Variants in GALNT13 observed in about 807,000 individuals in gnomAD.
GALNT13 encodes polypeptide N-acetylgalactosaminyltransferase 13.
GALNT13 carries 28 observed loss-of-function variants against 64.2 expected under a neutral mutation model. The ratio of observed to expected loss-of-function variants is 0.44; its 90% confidence interval spans 0.32 to 0.60. GALNT13 has a LOEUF of 0.60. Ranked by LOEUF, GALNT13 falls within the 20% of genes least tolerant of loss-of-function variation. The pLI, the probability that GALNT13 is intolerant of heterozygous loss-of-function variation, is 0.05. For synonymous variants in GALNT13, 214 were observed against 224.6 expected (o/e 0.95, Z 0.42); for missense variants, 577 against 669.8 (o/e 0.86, Z 1.53).
chr2:153,764,635 T>A, the GALNT13 span, among the ~76,000 whole-genome samples: 1 of 152,232 alleles, frequency 6.6e-6, no homozygotes, highest in Non-Finnish European at 1.5e-5. Context: ...AAATTCAAGC[T>A]GGCTGCAGAA....
intron 3 of GALNT13, among the ~76,000 whole-genome samples, chr2:153,988,997 G>A (rs1045458622): frequency 6.6e-6 from 1 of 151,864 alleles, no homozygotes; most frequent in African/African-American, 2.4e-5. Context: ...GTTAATCTCA[G>A]CCATGCCACA....
At chr2:153,792,215 A>G in the GALNT13 span, among the ~76,000 whole-genome samples, 1 of 152,198 alleles carries the variant, frequency 6.6e-6, no homozygotes, top group Non-Finnish European at 1.5e-5. Context: ...TTCTACATCC[A>G]TGTATTCAAC....
the GALNT13 span, among the ~76,000 whole-genome samples, chr2:153,508,724 G>C: frequency 6.6e-6 from 1 of 152,114 alleles, no homozygotes; most frequent in Admixed American, 6.6e-5. Context: ...TCCTTCAAAG[G>C]GTTTATGGAT....
the GALNT13 span, among the ~76,000 whole-genome samples, chr2:153,395,151 T>C: frequency 4.6e-5 from 7 of 152,142 alleles, no homozygotes; most frequent in Non-Finnish European, 8.8e-5. Flanking sequence ...TCATATACAA[T>C]TGAAGGTAAT....
At chr2:153,938,630 C>T (rs947129473) in intron 2 of GALNT13, among the ~76,000 whole-genome samples, 2 of 152,154 alleles carry the variant, frequency 1.3e-5, no homozygotes, top group African/African-American at 4.8e-5. Context: ...TATATTTTCT[C>T]TCACATTTCT....
the GALNT13 span, among the ~76,000 whole-genome samples, chr2:153,799,167 T>C: frequency 0.082 from 12,487 of 152,190 alleles, 1,100 homozygotes; most frequent in African/African-American, 0.22. Flanking sequence ...ACCATGTCTT[T>C]TGGATATTTT....
intron 3 of GALNT13, among the ~76,000 whole-genome samples, chr2:153,969,024 G>A (rs1693565623): frequency 6.6e-6 from 1 of 151,726 alleles, no homozygotes; most frequent in Non-Finnish European, 1.5e-5. Context: ...TAATAATGAG[G>A]ATGAATTTTA....
intron 1 of GALNT13, among the ~76,000 whole-genome samples, chr2:153,873,354 G>C (rs1452804321): frequency 1.1e-4 from 16 of 152,226 alleles, no homozygotes; most frequent in Non-Finnish European, 2.2e-4. Context: ...TGAGCGCACT[G>C]AGGCTGCTAC....
the GALNT13 span, among the ~76,000 whole-genome samples, chr2:153,769,057 A>G: frequency 6.6e-6 from 1 of 151,742 alleles, no homozygotes; most frequent in African/African-American, 2.4e-5. Context: ...CCAACTTGCT[A>G]CTCTGTATTT....
At chr2:154,442,771 AGT>A (rs1701364916) in intron 12 of GALNT13, among the ~76,000 whole-genome samples, 1 of 152,078 alleles carries the variant, frequency 6.6e-6, no homozygotes, top group African/African-American at 2.4e-5. Flanking sequence ...AGCTACATAC[AGT>A]GTGAGAATCT....
chr2:153,546,639 A>C, the GALNT13 span, among the ~76,000 whole-genome samples: 1 of 152,236 alleles, frequency 6.6e-6, no homozygotes, highest in Admixed American at 6.5e-5. Flanking sequence ...TATCAAGTAC[A>C]ATATTAATGC....
At chr2:153,911,691 T>A (rs1688952380) in intron 2 of GALNT13, among the ~76,000 whole-genome samples, 1 of 152,164 alleles carries the variant, frequency 6.6e-6, no homozygotes, top group Non-Finnish European at 1.5e-5. Context: ...TATATGAAAT[T>A]CTTGGTCAGA....
At chr2:153,369,515 C>T in the GALNT13 span, among the ~76,000 whole-genome samples, 13 of 152,062 alleles carry the variant, frequency 8.5e-5, no homozygotes, top group Admixed American at 8.5e-4. Flanking sequence ...ACCATATGTA[C>T]GGAAGGCAAG....
Position 154,014,648 on chromosome 2 carries a change from T to TTTTG in GALNT13, c.142+70011_142+70012insTGTT, listed in dbSNP as rs146277893. Among the ~76,000 whole-genome samples, 533 of 139,332 alleles carry TTTTG rather than the reference T, an allele frequency of 3.8e-3. 7 individuals carry two copies. The highest frequency in any genetic ancestry group is 7.0e-3 in the Admixed American group (96 of 13,752). The allele number at this position is 139,332 out of a possible 152,430, so 91.4% of individuals were successfully genotyped here. Reference sequence around the variant, plus strand: ...CTGATAATTCTCCTTTTTTTTTTTTTTTGAGACGGAGTCTTGTGCTTTCTC... The same window carrying TTTTG: ...CTGATAATTCTCCTTTTTTTTTTTTTTTTGTTGAGACGGAGTCTTGTGCTTTCTC... On this transcript the variant is annotated intron_variant, in intron 3 of 12. Coordinates refer to ENST00000392825, the MANE Select transcript of GALNT13 (RefSeq NM_052917.4).
the GALNT13 span, among the ~76,000 whole-genome samples, chr2:153,579,337 T>C: frequency 2.0e-5 from 3 of 152,076 alleles, no homozygotes; most frequent in African/African-American, 7.2e-5. Context: ...CTTTGAGGTC[T>C]TAGGGCATTT....
At chr2:154,343,184 G>A (rs1227520392) in intron 9 of GALNT13, among the ~76,000 whole-genome samples, 5 of 151,944 alleles carry the variant, frequency 3.3e-5, no homozygotes, top group African/African-American at 1.2e-4. Context: ...CAGGTCTCAA[G>A]GAAGATACCA....
At chr2:154,310,922 A>C (rs1341837468) in intron 9 of GALNT13, among the ~76,000 whole-genome samples, 4 of 152,074 alleles carry the variant, frequency 2.6e-5, no homozygotes, top group Non-Finnish European at 4.4e-5. Context: ...GTATCAAACA[A>C]TTAGCTGTTA....
chr2:153,696,308 T>A, the GALNT13 span, among the ~76,000 whole-genome samples: 1 of 152,274 alleles, frequency 6.6e-6, no homozygotes, highest in Non-Finnish European at 1.5e-5. Flanking sequence ...AGCAAGTCTG[T>A]TCTTCCATCT....
At chr2:153,150,121 C>T in the GALNT13 span, among the ~76,000 whole-genome samples, 8 of 151,814 alleles carry the variant, frequency 5.3e-5, no homozygotes, top group Admixed American at 4.6e-4. Context: ...AATTAGTTCT[C>T]TTTTTCTTCA....
Sources: allele counts gnomAD v4.1 joint callset (sites outside exome capture counted in the v4.1 genomes callset), GRCh38; gene constraint gnomAD v4.1.1; transcripts MANE v1.5; gene names NCBI Gene and HGNC (gene_info 2026-07-23, HGNC 2026-07-21).